Variants in DLC1 observed in about 807,000 individuals in gnomAD.
DLC1 encodes DLC1 Rho GTPase activating protein.
Under a neutral mutation model 140.3 loss-of-function variants are expected in DLC1, and 54 were observed. The ratio of observed to expected loss-of-function variants is 0.38; its 90% confidence interval spans 0.31 to 0.48. DLC1 has a LOEUF of 0.48. Ranked by LOEUF, DLC1 falls within the 20% of genes least tolerant of loss-of-function variation. DLC1 has a pLI of 0.96. For missense variants in DLC1, 2,536 were observed against 1,907.0 expected (o/e 1.33, Z -6.14); for synonymous variants, 986 against 728.1 (o/e 1.35, Z -5.70).
At chr8:13,245,862 G>A (rs766408555) in intron 5 of DLC1, among the ~76,000 whole-genome samples, 20 of 151,686 alleles carry the variant, frequency 1.3e-4, no homozygotes, top group South Asian at 6.2e-4. Context: ...CACCACTCCC[G>A]GCTAATTTTT....
At chr8:13,204,160 T>C (rs1426836044) in intron 5 of DLC1, among the ~76,000 whole-genome samples, 4 of 152,190 alleles carry the variant, frequency 2.6e-5, no homozygotes, top group Non-Finnish European at 5.9e-5. Flanking sequence ...GCCAGAAATA[T>C]TTCTGAAGTC....
intron 4 of DLC1, among the ~76,000 whole-genome samples, chr8:13,328,413 C>T (rs56221018): frequency 0.012 from 1,772 of 152,096 alleles, 33 homozygotes; most frequent in African/African-American, 0.039. Context: ...GTGTAGAAGA[C>T]GTCACAGTCG....
chr8:13,348,550 A>G (rs533994713), intron 4 of DLC1, among the ~76,000 whole-genome samples: 1 of 152,332 alleles, frequency 6.6e-6, no homozygotes, highest in African/African-American at 2.4e-5. Flanking sequence ...CATAAGAAAG[A>G]TGATGAACAC....
At chr8:13,264,890 T>C (rs1830620054) in intron 5 of DLC1, among the ~76,000 whole-genome samples, 1 of 152,200 alleles carries the variant, frequency 6.6e-6, no homozygotes. Flanking sequence ...TGGGATTACA[T>C]GTCCCGGGAT....
chr8:13,091,539 G>C, intron 13 of DLC1, 107 bp from the exon 14 acceptor site: 1 of 931,678 alleles, frequency 1.1e-6, no homozygotes, highest in East Asian at 2.6e-5. Context: ...ATTTTCACTG[G>C]AATCTGTTTA....
chr8:13,384,514 A>T (rs1836426221), intron 4 of DLC1, among the ~76,000 whole-genome samples: 2 of 116,772 alleles, frequency 1.7e-5, no homozygotes, highest in African/African-American at 3.0e-5. Flanking sequence ...CTTGGGAAAT[A>T]TCTTTAAATG....
intron 5 of DLC1, among the ~76,000 whole-genome samples, chr8:13,300,397 A>G (rs1832142002): frequency 6.6e-6 from 1 of 152,226 alleles, no homozygotes; most frequent in South Asian, 2.1e-4. Context: ...TACCTACGTA[A>G]CAAATTTGCA....
intron 1 of DLC1, among the ~76,000 whole-genome samples, chr8:13,599,917 C>G (rs891323132): frequency 4.6e-5 from 7 of 151,896 alleles, no homozygotes; most frequent in Non-Finnish European, 8.8e-5. Context: ...ATGTATCAGT[C>G]TGTATGAGGT....
chr8:13,452,745 T>C (rs1336337512), intron 2 of DLC1, among the ~76,000 whole-genome samples: 1 of 151,910 alleles, frequency 6.6e-6, no homozygotes, highest in Non-Finnish European at 1.5e-5. Flanking sequence ...CTGATCTCAC[T>C]TGATGAAATT....
chr8:13,595,643 ATATGCTGG>A (rs1485918527), intron 1 of DLC1, among the ~76,000 whole-genome samples: 1 of 152,024 alleles, frequency 6.6e-6, no homozygotes, highest in Non-Finnish European at 1.5e-5. Flanking sequence ...TGGGTGAAAG[ATATGCTGG>A]TAACTACTAG....
chr8:13,266,829 A>G (rs1830708052), intron 5 of DLC1, among the ~76,000 whole-genome samples: 1 of 152,224 alleles, frequency 6.6e-6, no homozygotes, highest in African/African-American at 2.4e-5. Flanking sequence ...AAACTGAAAT[A>G]AAATTTAGAA....
intron 1 of DLC1, among the ~76,000 whole-genome samples, chr8:13,554,171 A>G (rs1296740205): frequency 6.6e-6 from 1 of 151,934 alleles, no homozygotes; most frequent in Non-Finnish European, 1.5e-5. Flanking sequence ...AGTTCACGCC[A>G]TTCTCCTGCC....
At position 13,499,152 on chromosome 8, in the gene DLC1, G is replaced by T; in HGVS notation, c.920C>A (p.Pro307Gln). The T allele has an allele frequency of 6.2e-7, 1 of 1,614,168 alleles. No homozygotes were observed. The change falls in exon 2 of 18, where the codon CCA becomes CAA. Residue 307 changes from proline (P) to glutamine (Q), a missense_variant. Transcript: ENST00000276297. ...GCCATCTTCTGCCTTGACCTTTGGT[G>T]GACTTTTGTTTTGATGTTGTGAAAA... ...SGFSQHQNKS[P>Q]PKVKAEDGMQ... is the part of the protein sequence containing the mutation.
At chr8:13,433,738 T>C (rs1427190227) in intron 2 of DLC1, among the ~76,000 whole-genome samples, 1 of 152,228 alleles carries the variant, frequency 6.6e-6, no homozygotes, top group African/African-American at 2.4e-5. Context: ...ATCTCTCTTT[T>C]GGGAACACAT....
At chr8:13,423,574 A>G (rs917126368) in intron 2 of DLC1, among the ~76,000 whole-genome samples, 4 of 152,152 alleles carry the variant, frequency 2.6e-5, no homozygotes, top group Admixed American at 6.5e-5. Flanking sequence ...CTTCAGTACT[A>G]AGGAGTATTA....
At chr8:13,280,070 G>A (rs1408087540) in intron 5 of DLC1, among the ~76,000 whole-genome samples, 3 of 151,044 alleles carry the variant, frequency 2.0e-5, no homozygotes, top group Non-Finnish European at 2.9e-5. Flanking sequence ...ATGAGGTCGG[G>A]AGATCGAGAC....
intron 5 of DLC1, among the ~76,000 whole-genome samples, chr8:13,204,387 G>A (rs577126635): frequency 6.6e-5 from 10 of 152,274 alleles, no homozygotes; most frequent in Non-Finnish European, 1.5e-4. Flanking sequence ...CGCTATCATA[G>A]GTGAAGGTTA....
chr8:13,133,137 C>T, intron 5 of DLC1: 1 of 1,452,268 alleles, frequency 6.9e-7, no homozygotes, highest in Non-Finnish European at 9.1e-7. Flanking sequence ...CGTCACGGCC[C>T]CAGAAAGAAA....
intron 1 of DLC1, among the ~76,000 whole-genome samples, chr8:13,550,089 T>C (rs909652921): frequency 1.3e-5 from 2 of 152,076 alleles, no homozygotes; most frequent in African/African-American, 4.8e-5. Context: ...GAGACATTGA[T>C]ATGGTTTGGC....
Sources: gnomAD v4.1 joint callset for allele counts (sites outside exome capture counted in the v4.1 genomes callset) on GRCh38, gnomAD v4.1.1 for gene constraint, MANE v1.5 for transcripts, NCBI Gene and HGNC (gene_info 2026-07-23, HGNC 2026-07-21) for gene names.